UBE2E2: variants seen among roughly 807,000 people sequenced by gnomAD.
UBE2E2 encodes ubiquitin conjugating enzyme E2 E2, also known as ubiquitin-conjugating enzyme E2 E2.
A neutral mutation model predicts 24.7 loss-of-function variants in UBE2E2; 6 were observed. That is an observed-to-expected ratio of 0.24 (90% CI 0.13 to 0.48). The LOEUF (loss-of-function observed/expected upper bound fraction) is 0.48, where lower values mean the gene tolerates loss of function less well. UBE2E2 is among the 20% of genes least tolerant of loss of function. The probability of loss-of-function intolerance (pLI) is 0.99; values close to 1 mark genes in which losing one functional copy is unlikely to be tolerated. For synonymous variants in UBE2E2, 104 were observed against 83.6 expected, an observed-to-expected ratio of 1.24 and a Z score of -1.33; for missense variants, 169 against 245.0, an observed-to-expected ratio of 0.69 and a Z score of 2.07.
At chr3:23,314,980 G>A (rs1224162288) in intron 3 of UBE2E2, among the ~76,000 whole-genome samples, 11 of 152,218 alleles carry the variant, frequency 7.2e-5, no homozygotes, top group South Asian at 4.2e-4. Flanking sequence ...CTTGAATATC[G>A]ACAGTCTTTT....
chr3:23,511,821 G>A (rs982284327), intron 4 of UBE2E2, among the ~76,000 whole-genome samples: 1 of 151,940 alleles, frequency 6.6e-6, no homozygotes, highest in African/African-American at 2.4e-5. Flanking sequence ...TTATTACAAG[G>A]AAAAAACCTC....
chr3:23,268,936 AAAAC>A (rs1698147694), intron 3 of UBE2E2, among the ~76,000 whole-genome samples: 1 of 152,192 alleles, frequency 6.6e-6, no homozygotes, highest in Non-Finnish European at 1.5e-5. Flanking sequence ...AAACCTGACA[AAAAC>A]AAGCAATGGG....
intron 3 of UBE2E2, among the ~76,000 whole-genome samples, chr3:23,375,056 T>C (rs571393789): frequency 6.6e-6 from 1 of 152,272 alleles, no homozygotes; most frequent in East Asian, 1.9e-4. Context: ...TGTGCTTTTA[T>C]TCGTATTTAC....
Position 23,583,377 on chromosome 3 carries a change from T to C in UBE2E2, c.509-6357T>C, listed in dbSNP as rs780985278. 1.4e-3 allele frequency among the ~76,000 whole-genome samples: 214 copies of C among 152,358 alleles called. No individual in the cohort carries two copies. The highest frequency in any genetic ancestry group is 2.0e-3 in the Non-Finnish European group (134 of 68,038). The stretch of plus-strand genomic sequence containing the variant: ...TCAGGTCATGTGATGCTTCCACCTT[T>C]GTTCTTTTTGCTTAGCATTGCTTTG... On this transcript the variant is annotated intron_variant, in intron 5 of 5. Transcript: ENST00000396703. The surrounding 1 kb of genome is among the most constrained non-coding windows in gnomAD (Gnocchi z 4.1).
In UBE2E2 at chr3:23,573,272, A is replaced by T. The variant is rs547070582; in HGVS notation, c.509-16462A>T. Among the ~76,000 whole-genome samples, 6 of 152,342 alleles carry T rather than the reference A, an allele frequency of 3.9e-5. No individual in the cohort carries two copies. In the East Asian group the frequency reaches 1.2e-3, roughly 29 times the overall value. On this transcript the variant is annotated intron_variant, in intron 5 of 5. Coordinates refer to ENST00000396703, the MANE Select transcript of UBE2E2 (RefSeq NM_152653.4). ...TAAATATAGGAGAAAGTAAATACGCAAAGATATTTCTAAACTAGTGCAGTG... is the reference window on the plus strand; with the variant it reads ...TAAATATAGGAGAAAGTAAATACGCTAAGATATTTCTAAACTAGTGCAGTG...
chr3:23,425,657 T>C (rs1444649813), intron 3 of UBE2E2, among the ~76,000 whole-genome samples: 1 of 152,078 alleles, frequency 6.6e-6, no homozygotes, highest in Non-Finnish European at 1.5e-5. Flanking sequence ...AAACCTGAAC[T>C]GCAATTGATA....
At chr3:23,350,423 C>A (rs1695707711) in intron 3 of UBE2E2, among the ~76,000 whole-genome samples, 1 of 152,036 alleles carries the variant, frequency 6.6e-6, no homozygotes, top group Non-Finnish European at 1.5e-5. Context: ...AGGCTTCAGA[C>A]AATCAAACTA....
At chr3:23,367,949 T>G (rs1186351909) in intron 3 of UBE2E2, among the ~76,000 whole-genome samples, 2 of 152,144 alleles carry the variant, frequency 1.3e-5, no homozygotes, top group Non-Finnish European at 2.9e-5. Context: ...AAATCTTCTG[T>G]GTTGATTTTT....
At chr3:23,259,593 C>G (rs893135530) in intron 3 of UBE2E2, among the ~76,000 whole-genome samples, 2 of 150,846 alleles carry the variant, frequency 1.3e-5, no homozygotes, top group Admixed American at 6.6e-5. Flanking sequence ...AAAGTCTTGA[C>G]TCAAATATTG....
At chr3:23,367,104 G>A (rs1462938185) in intron 3 of UBE2E2, among the ~76,000 whole-genome samples, 3 of 152,134 alleles carry the variant, frequency 2.0e-5, no homozygotes, top group African/African-American at 4.8e-5. Flanking sequence ...ATGTGATCCT[G>A]CAGTTCTCCA....
At chr3:23,399,906 A>T (rs1236096670) in intron 3 of UBE2E2, among the ~76,000 whole-genome samples, 2 of 152,138 alleles carry the variant, frequency 1.3e-5, no homozygotes, top group Non-Finnish European at 1.5e-5. Context: ...TGCTGAAGGG[A>T]TTGCATCTTT....
intron 3 of UBE2E2, among the ~76,000 whole-genome samples, chr3:23,482,789 A>C (rs1165561328): frequency 6.6e-6 from 1 of 152,226 alleles, no homozygotes; most frequent in African/African-American, 2.4e-5. Flanking sequence ...ACCTGATTTG[A>C]GAATAATAAT....
At chr3:23,393,207 A>T (rs1205929129) in intron 3 of UBE2E2, among the ~76,000 whole-genome samples, 2 of 152,206 alleles carry the variant, frequency 1.3e-5, no homozygotes, top group South Asian at 4.1e-4. Flanking sequence ...ATCAAATTAT[A>T]TTTAGGGGAT....
chr3:23,516,714 A>T (rs769321195), intron 4 of UBE2E2, among the ~76,000 whole-genome samples: 1 of 152,150 alleles, frequency 6.6e-6, no homozygotes, highest in South Asian at 2.1e-4. Context: ...CCAATAAAGG[A>T]TGTTACTTCC....
chr3:23,469,970 T>G (rs1383188391), intron 3 of UBE2E2, among the ~76,000 whole-genome samples: 1 of 152,238 alleles, frequency 6.6e-6, no homozygotes, highest in Non-Finnish European at 1.5e-5. Flanking sequence ...CAAGCAACCA[T>G]GTTGGCAAAT....
chr3:23,242,649 G>A (rs1037608930), intron 3 of UBE2E2, among the ~76,000 whole-genome samples: 3 of 152,020 alleles, frequency 2.0e-5, no homozygotes, highest in Non-Finnish European at 2.9e-5. Flanking sequence ...ATATTGAAAA[G>A]TGAAGGAGTA....
At chr3:23,502,950 A>C (rs73139762) in intron 4 of UBE2E2, among the ~76,000 whole-genome samples, 6,327 of 152,180 alleles carry the variant, frequency 0.042, 440 homozygotes, top group African/African-American at 0.14. Context: ...TTAACCACCA[A>C]TGATAATATT....
chr3:23,462,656 AG>A (rs1261305635), intron 3 of UBE2E2, among the ~76,000 whole-genome samples: 1 of 152,170 alleles, frequency 6.6e-6, no homozygotes, highest in Non-Finnish European at 1.5e-5. Flanking sequence ...GGCTGAAGAA[AG>A]GACCAGACCA....
At chr3:23,387,060 A>G (rs1315644349) in intron 3 of UBE2E2, among the ~76,000 whole-genome samples, 1 of 152,256 alleles carries the variant, frequency 6.6e-6, no homozygotes, top group African/African-American at 2.4e-5. Context: ...TGAGGCTAAT[A>G]TCTACAAAGA....
Sources: allele counts gnomAD v4.1 joint callset (sites outside exome capture counted in the v4.1 genomes callset), GRCh38; gene constraint gnomAD v4.1.1; non-coding constraint Gnocchi (gnomAD v3.1); transcripts MANE v1.5; gene names NCBI Gene and HGNC (gene_info 2026-07-23, HGNC 2026-07-21).